The following LNX2 variants were observed in gnomAD, a reference collection of about 807,000 sequenced individuals.
LNX2 encodes ligand of numb-protein X 2.
A neutral mutation model predicts 66.2 loss-of-function variants in LNX2; 35 were observed. The ratio of observed to expected loss-of-function variants is 0.53; its 90% CI spans 0.40 to 0.70. The LOEUF is 0.70. Ranked by LOEUF, LNX2 falls within the 30% of genes least tolerant of loss-of-function variation. The pLI, the probability that LNX2 is intolerant of heterozygous loss-of-function variation, is 0.00. For missense variants in LNX2, 791 were observed against 850.8 expected, an observed-to-expected ratio of 0.93 and a Z score of 0.87; for synonymous variants, 337 against 315.6, an observed-to-expected ratio of 1.07 and a Z score of -0.72.
At chr13:27,550,643 C>G in intron 8 of LNX2, 152 bp from the exon 9 acceptor site, 1 of 623,896 alleles carries the variant, frequency 1.6e-6, no homozygotes, top group Middle Eastern at 4.4e-4. Context: ...AATCCATCTT[C>G]TAGCAGAGAC....
intron 4 of LNX2, among the ~76,000 whole-genome samples, chr13:27,564,436 T>C (rs1660930303): frequency 1.3e-5 from 2 of 152,178 alleles, no homozygotes; most frequent in Admixed American, 6.5e-5. Context: ...GATGACTTCA[T>C]TAAACTGAAA....
rs777997219 is a variant in LNX2, at chr13:27,553,354, C to T, written c.1632G>A (p.Ala544=). Residue 544 remains alanine (A), a synonymous_variant, in exon 8 of 10, where the codon GCG becomes GCA. Transcript: ENST00000316334. ...EAVAMLKASA[A]SPAVALKALE... is the part of the protein sequence containing the mutation. ...GTGCTTTAAGGGCAACAGCAGGGGA[C>T]GCGGCACTGGCTTTCAGCATTGCAA... 3.1e-6 allele frequency: 5 copies of T among 1,614,004 alleles called. No individual in the cohort carries two copies. The highest frequency in any genetic ancestry group is 2.7e-5 in the African/African-American group (2 of 74,890).
At chr13:27,559,816 G>A (rs1252243677) in intron 6 of LNX2, 26 bp downstream of exon 6, 4 of 1,481,202 alleles carry the variant, frequency 2.7e-6, no homozygotes, top group Admixed American at 2.1e-5. Context: ...TTTGATGGTG[G>A]CATAAAAAAA....
intron 8 of LNX2, 68 bp downstream of exon 8, chr13:27,553,140 G>T: frequency 1.6e-6 from 2 of 1,276,360 alleles, no homozygotes; most frequent in African/African-American, 1.5e-5. Flanking sequence ...AATTTATCAT[G>T]CTACACACTG....
intron 1 of LNX2, among the ~76,000 whole-genome samples, chr13:27,596,026 G>A (rs1463752316): frequency 1.3e-5 from 2 of 152,138 alleles, no homozygotes; most frequent in African/African-American, 2.4e-5. Context: ...TTAAACACAC[G>A]TATCTATGGT....
chr13:27,583,198 G>A lies in LNX2; in HGVS notation c.-100-1395C>T, dbSNP rs1428626976. 8.0e-3 allele frequency among the ~76,000 whole-genome samples: 97 copies of A among 12,056 alleles called. 10 individuals carry two copies. The highest frequency in any genetic ancestry group is 0.031 in the Middle Eastern group (1 of 32). The allele number at this position is 12,056 out of a possible 152,430, so 7.9% of individuals were successfully genotyped here. A position where few individuals can be genotyped will look rare whatever the true frequency, so the allele number is the denominator to read the frequency against. On this transcript the variant is annotated intron_variant, in intron 1 of 9. Transcript: ENST00000316334. Reference sequence around the variant, plus strand: ...TGTGTGTGTGTGTGTGTGTGTGTGTGTGTGTGTGTGTGTGTGTGTGTGTGT... The same window carrying A: ...TGTGTGTGTGTGTGTGTGTGTGTGTATGTGTGTGTGTGTGTGTGTGTGTGT...
intron 1 of LNX2, among the ~76,000 whole-genome samples, chr13:27,593,318 C>T (rs915002884): frequency 6.6e-6 from 1 of 152,118 alleles, no homozygotes; most frequent in Non-Finnish European, 1.5e-5. Context: ...ACAAATCATT[C>T]TTCTACAATG....
At chr13:27,579,681 A>C (rs1955376950) in intron 2 of LNX2, among the ~76,000 whole-genome samples, 1 of 152,332 alleles carries the variant, frequency 6.6e-6, no homozygotes, top group African/African-American at 2.4e-5. Context: ...AAAATCATAA[A>C]TAACTGAACT....
chr13:27,568,484 C>A (rs1955233332), intron 3 of LNX2, among the ~76,000 whole-genome samples: 1 of 152,018 alleles, frequency 6.6e-6, no homozygotes, highest in Non-Finnish European at 1.5e-5. Context: ...CGGTGAGATG[C>A]ATGGTCTTGG....
intron 5 of LNX2, among the ~76,000 whole-genome samples, chr13:27,560,565 G>GTATTTATATATATATATATATATATA (rs1955120469): frequency 8.3e-6 from 1 of 119,970 alleles, no homozygotes; most frequent in Non-Finnish European, 1.7e-5. Context: ...ATGTATGTGT[G>GTATTTATATATATATATATATATATA]TATATATATA....
rs1242468549 is a variant in LNX2 at position 27,583,216 on chromosome 13, G to GCGCGCGCGTGTCCTCTCCAATATAACTT, written c.-100-1414_-100-1413insAAGTTATATTGGAGAGGACACGCGCGCG. Among the ~76,000 whole-genome samples the GCGCGCGCGTGTCCTCTCCAATATAACTT allele has an allele frequency of 2.2e-3, 39 of 17,726 alleles. 8 individuals carry two copies. Among genetic ancestry groups the GCGCGCGCGTGTCCTCTCCAATATAACTT allele is most frequent in the African/African-American group, 0.014 (22 of 1,578 alleles). 11.6% of individuals were successfully genotyped at this position (17,726 alleles called of 152,430 possible). ...TGTGTGTGTGTGTGTGTGTGTGTGT[G>GCGCGCGCGTGTCCTCTCCAATATAACTT]TGTGTGTGTGTGTGTGTGTGTGTGT... On this transcript the variant is annotated intron_variant, in intron 1 of 9. Transcript: ENST00000316334.
chr13:27,562,595 C>G lies in LNX2; in HGVS notation c.1042G>C (p.Gly348Arg), dbSNP rs779095287. The change falls in exon 5 of 10, where the codon GGT becomes CGT. Residue 348 changes from glycine (G) to arginine (R), a missense_variant. Gly to Arg is a moderately radical substitution (Grantham distance 125). Transcript: ENST00000316334. ...FQVALHKRDSGEQLGIKLVRR... is the reference protein window; with the variant it reads ...FQVALHKRDSREQLGIKLVRR... ...ACCAATTTAATGCCAAGCTGTTCAC[C>G]AGAGTCCCGTTTATGAAGAGCCACT... 2 of 1,614,030 alleles carry G rather than the reference C, an allele frequency of 1.2e-6. No individual in the cohort carries two copies. Among genetic ancestry groups the G allele is most frequent in the Non-Finnish European group, 1.7e-6 (2 of 1,180,036 alleles).
intron 1 of LNX2, among the ~76,000 whole-genome samples, chr13:27,619,866 TAA>T (rs1024356422): frequency 1.3e-5 from 2 of 152,138 alleles, no homozygotes; most frequent in Admixed American, 1.3e-4. Flanking sequence ...CTCTCCAGCC[TAA>T]AGAGAAAGGT....
intron 1 of LNX2, among the ~76,000 whole-genome samples, chr13:27,611,303 T>C (rs1304701782): frequency 1.3e-5 from 2 of 152,218 alleles, no homozygotes; most frequent in Non-Finnish European, 2.9e-5. Flanking sequence ...TGCTACAACA[T>C]GGATGAACCT....
At chr13:27,593,508 A>C (rs1432457172) in intron 1 of LNX2, among the ~76,000 whole-genome samples, 1 of 147,822 alleles carries the variant, frequency 6.8e-6, no homozygotes, top group African/African-American at 2.5e-5. Flanking sequence ...ATACTACTTT[A>C]TCTCTCTTCA....
Position 27,599,853 on chromosome 13 carries a change from G to A in LNX2, c.-100-18050C>T, listed in dbSNP as rs147815541. Among the ~76,000 whole-genome samples the A allele has an allele frequency of 5.9e-5, 9 of 152,190 alleles. No individual in the cohort carries two copies. In the East Asian group the frequency reaches 1.7e-3, roughly 29 times the overall value. On this transcript the variant is annotated intron_variant, in intron 1 of 9. Transcript: ENST00000316334. ...ACACATCTAAATATTTAAACTTGTG[G>A]GTCTTGGTTAACAATGGCAGCAAAT...
chr13:27,583,424 A>T (rs1352214395), intron 1 of LNX2, among the ~76,000 whole-genome samples: 1 of 151,880 alleles, frequency 6.6e-6, no homozygotes, highest in Non-Finnish European at 1.5e-5. Context: ...CACCTGGCTA[A>T]TTTTTGTAAT....
At chr13:27,593,389 T>C (rs980689052) in intron 1 of LNX2, among the ~76,000 whole-genome samples, 3 of 152,072 alleles carry the variant, frequency 2.0e-5, no homozygotes, top group Non-Finnish European at 4.4e-5. Context: ...CATGCTGCAG[T>C]TGTCAACTCC....
At chr13:27,608,280 AAT>A (rs376770125) in intron 1 of LNX2, among the ~76,000 whole-genome samples, 351 of 152,330 alleles carry the variant, frequency 2.3e-3, no homozygotes, top group African/African-American at 8.0e-3. Flanking sequence ...TTGTCATCTA[AAT>A]ATGTTATCAA....
Sources: allele counts gnomAD v4.1 joint callset (sites outside exome capture counted in the v4.1 genomes callset), GRCh38; gene constraint gnomAD v4.1.1; transcripts MANE v1.5; gene names NCBI Gene and HGNC (gene_info 2026-07-23, HGNC 2026-07-21).